Variants in RUNX1T1 observed in about 807,000 individuals in gnomAD.
The protein encoded by RUNX1T1 is RUNX1 partner transcriptional co-repressor 1.
A neutral mutation model predicts 62.8 loss-of-function variants in RUNX1T1; 4 were observed. That is an observed-to-expected ratio of 0.06 (90% CI 0.03 to 0.15). The LOEUF (loss-of-function observed/expected upper bound fraction) is 0.15, where lower values mean the gene tolerates loss of function less well. Ranked by LOEUF, RUNX1T1 falls within the 10% of genes least tolerant of loss-of-function variation. The probability of loss-of-function intolerance (pLI) is 1.00; values close to 1 mark genes in which losing one functional copy is unlikely to be tolerated. For missense variants in RUNX1T1, 508 were observed against 754.3 expected, an observed-to-expected ratio of 0.67 and a Z score of 3.82; for synonymous variants, 291 against 286.0, an observed-to-expected ratio of 1.02 and a Z score of -0.18.
rs1400600254 is a variant in RUNX1T1, at chr8:92,005,038, T to C, written c.659+78A>G. On this transcript the variant is annotated intron_variant, in intron 5 of 10. Coordinates refer to ENST00000396218, the Ensembl canonical transcript of RUNX1T1. ...AGAATGACATAGGCCAGCGGTTTAA[T>C]TGTGACATGAAATGTTTCCTCATGC... is the stretch of plus-strand genomic sequence containing the variant. The C allele has an allele frequency of 3.1e-6, 4 of 1,270,990 alleles. No individual in the cohort carries two copies. The East Asian group carries it at 7.3e-5, about 23-fold the overall frequency. 78.7% of individuals were successfully genotyped at this position (1,270,990 alleles called of 1,614,324 possible).
chr8:92,004,481 G>C (rs1001977502), intron 5 of RUNX1T1: 1 of 152,098 alleles, frequency 6.6e-6, no homozygotes, highest in Non-Finnish European at 1.5e-5. Flanking sequence ...ATGGAGAAGT[G>C]GTTTTATTTT....
intron 2 of RUNX1T1, among the ~76,000 whole-genome samples, chr8:92,016,312 T>C (rs944185541): frequency 1.3e-5 from 2 of 152,180 alleles, no homozygotes; most frequent in South Asian, 4.1e-4. Flanking sequence ...ATACACTCTA[T>C]TGAGAGAACT....
chr8:92,005,547 T>C (rs140065505), intron 4 of RUNX1T1: 73 of 458,572 alleles, frequency 1.6e-4, no homozygotes, highest in Non-Finnish European at 2.3e-4. Flanking sequence ...ACTGATAACA[T>C]TGCAAGTGGC....
At chr8:92,008,386 TCTCACA>T (rs1184983198) in intron 4 of RUNX1T1, among the ~76,000 whole-genome samples, 3 of 49,134 alleles carry the variant, frequency 6.1e-5, no homozygotes, top group Non-Finnish European at 1.3e-4. Context: ...TCTCTCTCTC[TCTCACA>T]CACACACACA....
rs536077078 is a variant in RUNX1T1, at chr8:91,963,268, C to T, written c.1459-2751G>A. Among the ~76,000 whole-genome samples the T allele has an allele frequency of 1.6e-4, 24 of 152,170 alleles. No individual in the cohort carries two copies. The South Asian group carries it at 4.6e-3, about 29-fold the overall frequency. Reference sequence around the variant, plus strand: ...CAAGTTGTTTGATACTATTCATTTACCACCCACCACTGGGACAAAAGAAAA... The same window carrying T: ...CAAGTTGTTTGATACTATTCATTTATCACCCACCACTGGGACAAAAGAAAA... On this transcript the variant is annotated intron_variant, in intron 10 of 10. Coordinates refer to ENST00000396218, the Ensembl canonical transcript of RUNX1T1.
At chr8:92,028,031 G>C (rs970557133) in intron 1 of RUNX1T1, among the ~76,000 whole-genome samples, 14 of 141,562 alleles carry the variant, frequency 9.9e-5, no homozygotes, top group Admixed American at 3.0e-4. Flanking sequence ...GCCTGAAATA[G>C]TAGGCATTGG....
intron 1 of RUNX1T1, among the ~76,000 whole-genome samples, chr8:92,024,536 T>C (rs1364174142): frequency 1.4e-5 from 2 of 141,632 alleles, no homozygotes; most frequent in Non-Finnish European, 3.0e-5. Context: ...AACCCTGGCA[T>C]GTAGCATCAA....
At chr8:92,018,974 C>T (rs756104360) in intron 1 of RUNX1T1, among the ~76,000 whole-genome samples, 9 of 152,154 alleles carry the variant, frequency 5.9e-5, no homozygotes, top group South Asian at 2.1e-4. Flanking sequence ...ATGGTAGAGA[C>T]ACACATGAAG....
chr8:91,983,004 T>G (rs1051007899), intron 8 of RUNX1T1, among the ~76,000 whole-genome samples: 4 of 142,682 alleles, frequency 2.8e-5, no homozygotes, highest in African/African-American at 7.8e-5. Flanking sequence ...CTCGGCTCAC[T>G]GCAACCTCTG....
intron 3 of RUNX1T1, 141 bp from the exon 5 acceptor site, chr8:92,011,232 C>T (rs909349279): frequency 1.7e-6 from 1 of 589,514 alleles, no homozygotes; most frequent in Non-Finnish European, 3.0e-6. Flanking sequence ...TTCAATAAAA[C>T]CTATTGACTT....
intron 1 of RUNX1T1, among the ~76,000 whole-genome samples, chr8:92,027,043 G>C (rs573046867): frequency 2.0e-5 from 3 of 149,804 alleles, no homozygotes; most frequent in Non-Finnish European, 3.0e-5. Context: ...GTGAACCCGG[G>C]AGGCGGAGCT....
chr8:92,035,928 T>G (rs1827336423), intron 1 of RUNX1T1, among the ~76,000 whole-genome samples: 1 of 152,182 alleles, frequency 6.6e-6, no homozygotes, highest in Non-Finnish European at 1.5e-5. Flanking sequence ...GAATGACACA[T>G]TTTTACAATT....
chr8:91,982,603 C>G (rs1378808761), intron 8 of RUNX1T1, among the ~76,000 whole-genome samples: 1 of 152,122 alleles, frequency 6.6e-6, no homozygotes, highest in Non-Finnish European at 1.5e-5. Flanking sequence ...GTGGAGCATA[C>G]CATGTAATAA....
At position 91,991,894 on chromosome 8, in the gene RUNX1T1, A is replaced by AG; in HGVS notation, c.660-6dup. On this transcript the variant is annotated splice_region_variant and splice_polypyrimidine_tract_variant and intron_variant, in intron 5 of 10. Coordinates refer to ENST00000396218, the Ensembl canonical transcript of RUNX1T1. The stretch of plus-strand genomic sequence containing the variant: ...TCAAAGCCATTTTCTTTGGTTCTAA[A>AG]GGGGGAAAAAACAAGAGTTTGTTTC... The AG allele has an allele frequency of 9.9e-6, 16 of 1,613,832 alleles. No individual in the cohort carries two copies. Among genetic ancestry groups the AG allele is most frequent in the Non-Finnish European group, 1.4e-5 (16 of 1,179,784 alleles).
intron 1 of RUNX1T1, among the ~76,000 whole-genome samples, chr8:92,022,084 T>C (rs1426838489): frequency 6.6e-6 from 1 of 151,848 alleles, no homozygotes; most frequent in East Asian, 1.9e-4. Flanking sequence ...ACCCAAACAT[T>C]CCAACCAATG....
chr8:92,066,944 G>A (rs970049820), upstream of RUNX1T1, among the ~76,000 whole-genome samples: 2 of 152,142 alleles, frequency 1.3e-5, no homozygotes, highest in Admixed American at 6.5e-5. Context: ...ACACATTTAC[G>A]CTATTCCCTC....
intron 2 of RUNX1T1, among the ~76,000 whole-genome samples, chr8:92,074,951 T>A (rs997310142): frequency 1.3e-5 from 2 of 152,208 alleles, no homozygotes; most frequent in African/African-American, 4.8e-5. Context: ...TCATTTTCTC[T>A]GGTCTTTCAA....
intron 1 of RUNX1T1, among the ~76,000 whole-genome samples, chr8:92,051,038 C>T (rs151137871): frequency 0.013 from 1,927 of 152,256 alleles, 22 homozygotes; most frequent in Middle Eastern, 0.051. Flanking sequence ...AAATGAGCTC[C>T]CCACCTAGTA....
At chr8:92,035,273 C>T (rs1018926972) in intron 1 of RUNX1T1, among the ~76,000 whole-genome samples, 14 of 130,836 alleles carry the variant, frequency 1.1e-4, no homozygotes, top group Admixed American at 5.6e-4. Flanking sequence ...CCCGTCTGAG[C>T]GATAAGAGTG....
Sources: allele counts gnomAD v4.1 joint callset (sites outside exome capture counted in the v4.1 genomes callset), GRCh38; gene constraint gnomAD v4.1.1; transcripts MANE v1.5; gene names NCBI Gene and HGNC (gene_info 2026-07-23, HGNC 2026-07-21).